FREM1: variants seen among roughly 807,000 people sequenced by gnomAD.
The protein encoded by FREM1 is FRAS1-related extracellular matrix protein 1.
Under a neutral mutation model 210.1 loss-of-function variants are expected in FREM1, and 220 were observed. The ratio of observed to expected loss-of-function variants is 1.05; its 90% CI spans 0.94 to 1.17. The LOEUF (loss-of-function observed/expected upper bound fraction) is 1.17, where lower values mean the gene tolerates loss of function less well. FREM1 is among the 50% of genes most tolerant of loss of function. The pLI is 0.00. For missense variants in FREM1, 3,454 were observed against 2,675.5 expected (o/e 1.29, Z -6.42); for synonymous variants, 1,189 against 980.2 (o/e 1.21, Z -3.98).
Position 14,841,179 on chromosome 9 carries a change from A to G in FREM1, c.1881+268T>C, listed in dbSNP as rs142574315. On this transcript the variant is annotated intron_variant, in intron 10 of 36. Transcript: ENST00000380880. ...TAAATGTTTTCTTGAGTGTCGGGAG[A>G]CAAGCAAATTTTGTGAGTTGCTCTA... is the stretch of plus-strand genomic sequence containing the variant. 2.3e-3 allele frequency among the ~76,000 whole-genome samples: 346 copies of G among 152,310 alleles called. 1 individual carries two copies. The highest frequency in any genetic ancestry group is 7.8e-3 in the African/African-American group (326 of 41,578).
At chr9:14,841,368 A>T in intron 10 of FREM1, 79 bp downstream of exon 10, 7 of 1,198,018 alleles carry the variant, frequency 5.8e-6, no homozygotes, top group Non-Finnish European at 8.0e-6. Flanking sequence ...ACCTATTTTC[A>T]TGTGGTTTCT....
intron 26 of FREM1, 100 bp downstream of exon 26, chr9:14,770,505 T>G: frequency 1.2e-6 from 1 of 811,070 alleles, no homozygotes; most frequent in Non-Finnish European, 2.1e-6. Context: ...CCCTGGGGAG[T>G]GTTTACCAAA....
At chr9:14,756,688 C>G (rs1844440018) in intron 28 of FREM1, among the ~76,000 whole-genome samples, 2 of 152,032 alleles carry the variant, frequency 1.3e-5, no homozygotes, top group African/African-American at 4.8e-5. Flanking sequence ...TTGGTTTTTC[C>G]TTTATAAATG....
At chr9:14,813,198 T>C in intron 15 of FREM1, 134 bp from the exon 16 acceptor site, 1 of 954,642 alleles carries the variant, frequency 1.0e-6, no homozygotes, top group Non-Finnish European at 1.5e-6. Context: ...GCCGTGAAAT[T>C]TGGCCAAGTA....
chr9:14,859,541 C>A (rs1021984839), intron 3 of FREM1, 57 bp from the exon 4 acceptor site: 22 of 1,415,400 alleles, frequency 1.6e-5, no homozygotes, highest in East Asian at 2.3e-5. Context: ...TTTCTGATAC[C>A]CATGTACTCA....
intron 1 of FREM1, among the ~76,000 whole-genome samples, chr9:14,873,486 G>A (rs148878728): frequency 6.6e-6 from 1 of 152,078 alleles, no homozygotes; most frequent in Non-Finnish European, 1.5e-5. Flanking sequence ...TCTGATGGTA[G>A]TTTGTATTTC....
chr9:14,900,130 T>A (rs1435732737), intron 1 of FREM1, among the ~76,000 whole-genome samples: 3 of 152,196 alleles, frequency 2.0e-5, no homozygotes, highest in Admixed American at 2.0e-4. Flanking sequence ...TTACTGGGTC[T>A]GCGCTATTAA....
At chr9:14,828,338 CCTTT>C (rs1325319907) in intron 10 of FREM1, among the ~76,000 whole-genome samples, 1 of 152,144 alleles carries the variant, frequency 6.6e-6, no homozygotes, top group Non-Finnish European at 1.5e-5. Context: ...AGTTTTGGAT[CCTTT>C]CTTCTTTCCT....
At chr9:14,853,675 G>T (rs899357728) in intron 5 of FREM1, among the ~76,000 whole-genome samples, 1 of 152,162 alleles carries the variant, frequency 6.6e-6, no homozygotes, top group Admixed American at 6.6e-5. Context: ...AGAGAAAAGA[G>T]AATTGCAAGA....
intron 27 of FREM1, among the ~76,000 whole-genome samples, chr9:14,766,517 G>C (rs1455080703): frequency 6.6e-6 from 1 of 152,146 alleles, no homozygotes; most frequent in African/African-American, 2.4e-5. Flanking sequence ...ACGCAAGCTA[G>C]CTAGCTGGCA....
At chr9:14,881,114 A>G (rs1160593512) in intron 1 of FREM1, among the ~76,000 whole-genome samples, 2 of 152,220 alleles carry the variant, frequency 1.3e-5, no homozygotes, top group Non-Finnish European at 2.9e-5. Flanking sequence ...AGAGGCAGGC[A>G]TATGTATGTT....
In FREM1 at chr9:14,868,889, C is replaced by T. The variant is rs753608531; in HGVS notation, c.89G>A (p.Arg30His). 18 of 1,606,976 alleles carry T rather than the reference C, an allele frequency of 1.1e-5. No individual in the cohort carries two copies. Among genetic ancestry groups the T allele is most frequent in the East Asian group, 2.2e-5 (1 of 44,720 alleles). ...WASPTFISIN[R>H]GVRVMKGHSA... ...GTGGCCCTTCATCACCCTCACCCCG[C>T]GGTTGATGCTGATGAAGGTGGGGCT... The change falls in exon 2 of 37, where the codon CGC becomes CAC. Residue 30 changes from arginine (R) to histidine (H), a missense_variant. Coordinates refer to ENST00000380880, the MANE Select transcript of FREM1 (RefSeq NM_001379081.2).
intron 5 of FREM1, among the ~76,000 whole-genome samples, 162 bp downstream of exon 5, chr9:14,857,391 C>T (rs1828961719): frequency 6.6e-6 from 1 of 152,172 alleles, no homozygotes; most frequent in Non-Finnish European, 1.5e-5. Flanking sequence ...TAAGCACTTA[C>T]TAGCAGAACC....
intron 25 of FREM1, among the ~76,000 whole-genome samples, chr9:14,771,136 A>C (rs1688074759): frequency 6.6e-6 from 1 of 152,174 alleles, no homozygotes; most frequent in Admixed American, 6.5e-5. Context: ...ACAGTGCCTG[A>C]ACCATAATAG....
chr9:14,821,129 T>C (rs1821222382), intron 13 of FREM1, among the ~76,000 whole-genome samples: 1 of 152,136 alleles, frequency 6.6e-6, no homozygotes, highest in African/African-American at 2.4e-5. Context: ...GGTGTCAACA[T>C]CCTCCCGTGG....
At chr9:14,740,538 A>G (rs1841385994) in intron 35 of FREM1, among the ~76,000 whole-genome samples, 2 of 152,216 alleles carry the variant, frequency 1.3e-5, no homozygotes, top group South Asian at 4.1e-4. Context: ...CTGCCTACTT[A>G]TAACAATTAC....
chr9:14,747,170 C>A, intron 33 of FREM1, 94 bp downstream of exon 33: 4 of 1,576,800 alleles, frequency 2.5e-6, no homozygotes, highest in Admixed American at 1.7e-5. Context: ...AACTATCCCC[C>A]CAACCTTGGA....
At chr9:14,751,522 T>C (rs1174155233) in intron 29 of FREM1, among the ~76,000 whole-genome samples, 1 of 151,928 alleles carries the variant, frequency 6.6e-6, no homozygotes, top group Non-Finnish European at 1.5e-5. Flanking sequence ...TAGGTGGGCG[T>C]GGTGGCACGT....
chr9:14,768,423 T>C (rs1287064903), intron 27 of FREM1, among the ~76,000 whole-genome samples: 1 of 152,046 alleles, frequency 6.6e-6, no homozygotes, highest in Admixed American at 6.6e-5. Flanking sequence ...CTGGGAATTA[T>C]TTGTCTTAGG....
Sources: gnomAD v4.1 joint callset for allele counts (sites outside exome capture counted in the v4.1 genomes callset) on GRCh38, gnomAD v4.1.1 for gene constraint, MANE v1.5 for transcripts, NCBI Gene and HGNC (gene_info 2026-07-23, HGNC 2026-07-21) for gene names.